Variants in HERC1 observed in about 807,000 individuals in gnomAD.
HERC1 encodes the protein probable E3 ubiquitin-protein ligase HERC1.
In HERC1, 160 loss-of-function variants were observed where a neutral mutation model predicts 554.3. The ratio of observed to expected loss-of-function variants is 0.29; its 90% CI spans 0.25 to 0.33. HERC1 has a LOEUF of 0.33. HERC1 is among the 10% of genes least tolerant of loss of function. The probability of loss-of-function intolerance (pLI) is 1.00; values close to 1 mark genes in which losing one functional copy is unlikely to be tolerated. For synonymous variants in HERC1, 2,175 were observed against 2,131.7 expected (o/e 1.02, Z -0.56); for missense variants, 4,919 against 5,918.5 (o/e 0.83, Z 5.54).
chr15:63,772,166 C>G (rs929245433), intron 2 of HERC1, among the ~76,000 whole-genome samples: 3 of 151,610 alleles, frequency 2.0e-5, no homozygotes, highest in African/African-American at 4.8e-5. Flanking sequence ...ACTATCCAGT[C>G]AATTATCAAA....
intron 22 of HERC1, among the ~76,000 whole-genome samples, chr15:63,714,434 A>G (rs2153131270): frequency 6.6e-6 from 1 of 152,212 alleles, no homozygotes; most frequent in East Asian, 1.9e-4. Flanking sequence ...CAGCCTTTCC[A>G]TCAGTGGAGT....
chr15:63,766,394 C>T (rs1031665430), intron 2 of HERC1, among the ~76,000 whole-genome samples: 1 of 152,030 alleles, frequency 6.6e-6, no homozygotes, highest in Non-Finnish European at 1.5e-5. Flanking sequence ...TCAAGACCAG[C>T]CTGGCCAACA....
At chr15:63,716,547 A>AT in intron 21 of HERC1, 74 bp from the exon 22 acceptor site, 3 of 1,226,786 alleles carry the variant, frequency 2.4e-6, no homozygotes, top group Non-Finnish European at 3.3e-6. Context: ...AAAACCTTTA[A>AT]TTTTTTATCA....
chr15:63,828,397 T>G (rs2078014475), intron 1 of HERC1, among the ~76,000 whole-genome samples: 1 of 152,050 alleles, frequency 6.6e-6, no homozygotes, highest in Non-Finnish European at 1.5e-5. Context: ...TGCAGTGCAA[T>G]GGCGTGATCT....
chr15:63,658,497 T>G, intron 48 of HERC1, 47 bp downstream of exon 48: 2 of 1,537,376 alleles, frequency 1.3e-6, no homozygotes, highest in Non-Finnish European at 1.8e-6. Flanking sequence ...CCAGCTAATG[T>G]ACACTAGAAG....
At chr15:63,706,731 G>A in intron 25 of HERC1, 49 bp downstream of exon 25, 2 of 942,248 alleles carry the variant, frequency 2.1e-6, no homozygotes, top group African/African-American at 1.7e-5. Context: ...TTTTTTTTGA[G>A]ACAGGGTCTC....
intron 1 of HERC1, among the ~76,000 whole-genome samples, chr15:63,796,962 G>C (rs1182193117): frequency 6.6e-6 from 1 of 152,100 alleles, no homozygotes; most frequent in Non-Finnish European, 1.5e-5. Flanking sequence ...GTATTATGAG[G>C]CATATCTGGC....
intron 37 of HERC1, among the ~76,000 whole-genome samples, chr15:63,676,747 T>C (rs56388539): frequency 0.81 from 123,915 of 152,164 alleles, 52,317 homozygotes; most frequent in Non-Finnish European, 0.88. Context: ...CAGAGCGAGA[T>C]TCCGTCTCAA....
At chr15:63,780,260 G>C (rs1481304111) in intron 1 of HERC1, among the ~76,000 whole-genome samples, 1 of 151,962 alleles carries the variant, frequency 6.6e-6, no homozygotes, top group East Asian at 1.9e-4. Flanking sequence ...TGATTACTAT[G>C]AATGGAATTT....
intron 8 of HERC1, among the ~76,000 whole-genome samples, chr15:63,751,130 C>A (rs1342205679): frequency 6.6e-6 from 1 of 152,246 alleles, no homozygotes; most frequent in Admixed American, 6.5e-5. Flanking sequence ...GTATCATATA[C>A]ACTCATGCAC....
intron 61 of HERC1, among the ~76,000 whole-genome samples, chr15:63,639,242 T>C (rs1280609747): frequency 6.6e-6 from 1 of 152,264 alleles, no homozygotes; most frequent in Non-Finnish European, 1.5e-5. Flanking sequence ...AAACTGCATG[T>C]GTGAAGATGG....
At position 63,616,605 on chromosome 15, in the gene HERC1, G is replaced by C; in HGVS notation, c.13766C>G (p.Ala4589Gly). The C allele has an allele frequency of 6.2e-7, 1 of 1,613,872 alleles. No individual in the cohort carries two copies. Among genetic ancestry groups the C allele is most frequent in the Non-Finnish European group, 8.5e-7 (1 of 1,179,880 alleles). The change falls in exon 75 of 78, where the codon GCC (alanine) becomes GGC (glycine). Residue 4589 changes from alanine to glycine, a missense_variant. Transcript: ENST00000443617. The part of the protein sequence containing the change: ...FKFLGILMGV[A>G]IRTKKPLDLH... Reference sequence around the variant, plus strand: ...GTCCAGAGGCTTCTTTGTGCGAATGGCAACCCCCATTAAAATTCCTAAAAA... The same window carrying C: ...GTCCAGAGGCTTCTTTGTGCGAATGCCAACCCCCATTAAAATTCCTAAAAA...
intron 50 of HERC1, 131 bp downstream of exon 50, chr15:63,655,611 T>C (rs1245252230): frequency 1.6e-5 from 10 of 632,030 alleles, no homozygotes; most frequent in South Asian, 6.7e-5. Context: ...AAAGTATCTA[T>C]GCACTTCTTT....
intron 36 of HERC1, among the ~76,000 whole-genome samples, chr15:63,679,145 G>A (rs1391304969): frequency 6.6e-6 from 1 of 152,122 alleles, no homozygotes; most frequent in Non-Finnish European, 1.5e-5. Context: ...GTTCACAGAT[G>A]GCAGAAAGCA....
At position 63,694,835 on chromosome 15, in the gene HERC1, T is replaced by A. The variant is rs1289015415; in HGVS notation, c.5181A>T (p.Lys1727Asn). 1 of 1,613,840 alleles carries A rather than the reference T, an allele frequency of 6.2e-7. No homozygotes were observed. The highest frequency in any genetic ancestry group is 1.7e-5 in the Admixed American group (1 of 60,010). Residue 1727 changes from lysine (K) to asparagine (N), a missense_variant, in exon 28 of 78, where the codon AAA becomes AAT. Physicochemically the swap from Lys to Asn is moderately conservative, Grantham distance 94 (BLOSUM62 0). Coordinates refer to ENST00000443617, the MANE Select transcript of HERC1 (RefSeq NM_003922.4). This position sits in a 1 kb window ranked among gnomAD's most constrained non-coding sequence, Gnocchi z 4.3. ...IQIEIQVAVH[K>N]IYQQLSATLE... ...GGGTAGCAGACAACTGTTGATAAAT[T>A]TTATGCACAGCTACCTGGATTTCAA...
chr15:63,654,050 C>T (rs2069865267), intron 51 of HERC1, 69 bp downstream of exon 51: 8 of 1,270,024 alleles, frequency 6.3e-6, no homozygotes, highest in Non-Finnish European at 9.1e-6. Context: ...CTTTGAGCTC[C>T]TTGAGAAGAG....
intron 2 of HERC1, 90 bp from the exon 3 acceptor site, chr15:63,764,281 T>C (rs1255722112): frequency 1.3e-6 from 1 of 798,904 alleles, no homozygotes; most frequent in Non-Finnish European, 2.1e-6. Context: ...ACAACACCTA[T>C]TTGAAGACCT....
rs190405957 is a variant in HERC1 at position 63,706,355 on chromosome 15, G to C, written c.4636+425C>G. ...AAATAGAAACTTTTTATTTCAACGT[G>C]TGTGTACACGTGTACGGGGTAAGAA... is the stretch of plus-strand genomic sequence containing the variant. On this transcript the variant is annotated intron_variant, in intron 25 of 77. Transcript: ENST00000443617. Among the ~76,000 whole-genome samples, 4 of 152,168 alleles carry C rather than the reference G, an allele frequency of 2.6e-5. 1 individual carries two copies. Among genetic ancestry groups the C allele is most frequent in the Admixed American group, 2.0e-4 (3 of 15,280 alleles).
At chr15:63,833,289 C>G (rs2078218577) in intron 1 of HERC1, among the ~76,000 whole-genome samples, 1 of 152,164 alleles carries the variant, frequency 6.6e-6, no homozygotes, top group South Asian at 2.1e-4. Flanking sequence ...CTGCCCTCAC[C>G]CAAAGGCAGA....
Sources: gnomAD v4.1 joint callset for allele counts (sites outside exome capture counted in the v4.1 genomes callset) on GRCh38, gnomAD v4.1.1 for gene constraint, Gnocchi (gnomAD v3.1) non-coding constraint, MANE v1.5 for transcripts, NCBI Gene and HGNC (gene_info 2026-07-23, HGNC 2026-07-21) for gene names.